The following COG2 variants were observed in gnomAD, a reference collection of about 807,000 sequenced individuals.
COG2 encodes conserved oligomeric Golgi complex subunit 2.
In COG2, 52 loss-of-function variants were observed where a neutral mutation model predicts 90.6. The observed-to-expected ratio is 0.57, with a 90% CI of 0.46 to 0.72. COG2 has a LOEUF of 0.72. Ranked by LOEUF, COG2 falls within the 30% of genes least tolerant of loss-of-function variation. COG2 has a pLI of 0.00. For missense variants in COG2, 829 were observed against 891.2 expected (o/e 0.93, Z 0.89); for synonymous variants, 337 against 320.4 (o/e 1.05, Z -0.55).
intron 1 of COG2, among the ~76,000 whole-genome samples, chr1:230,646,475 A>G (rs570460871): frequency 6.6e-6 from 1 of 151,984 alleles, no homozygotes; most frequent in South Asian, 2.1e-4. Flanking sequence ...TGGGTTATGG[A>G]CTCAGCCACG....
chr1:230,693,323 T>C lies in COG2; in HGVS notation c.2147T>C (p.Ile716Thr). The C allele has an allele frequency of 6.2e-7, 1 of 1,613,720 alleles. No individual in the cohort carries two copies. The highest frequency in any genetic ancestry group is 8.5e-7 in the Non-Finnish European group (1 of 1,179,736). The change falls in exon 18 of 18, where the codon ATA becomes ACA. Residue 716 changes from isoleucine (I) to threonine (T), a missense_variant. By Grantham distance (89) the Ile-to-Thr change is moderately conservative. Coordinates refer to ENST00000366669, the MANE Select transcript of COG2 (RefSeq NM_007357.3). ...AAGTTGGGACTACAAGCAAGTGACA[T>C]AAAAAGCTTCTCAGCTCTCGCAGAG... ...IQKLGLQASD[I>T]KSFSALAELV...
chr1:230,659,776 C>A, intron 2 of COG2, 151 bp downstream of exon 2: 2 of 699,110 alleles, frequency 2.9e-6, no homozygotes, highest in Non-Finnish European at 4.2e-6. Context: ...ATAAAATAAC[C>A]AAACTTTCTT....
At chr1:230,662,477 T>C (rs914447730) in intron 3 of COG2, among the ~76,000 whole-genome samples, 1 of 152,220 alleles carries the variant, frequency 6.6e-6, no homozygotes, top group Non-Finnish European at 1.5e-5. Flanking sequence ...CCCTAATTTC[T>C]GATTAATTCA....
At chr1:230,669,257 A>T in intron 6 of COG2, 99 bp from the exon 7 acceptor site, 1 of 1,050,370 alleles carries the variant, frequency 9.5e-7, no homozygotes. Context: ...TATATATGTC[A>T]TTATCTGTTG....
At chr1:230,690,213 C>G in intron 16 of COG2, 60 bp downstream of exon 16, 3 of 1,496,112 alleles carry the variant, frequency 2.0e-6, no homozygotes, top group Non-Finnish European at 2.8e-6. Flanking sequence ...GGCAGAAACC[C>G]CCAAGGCAAT....
At chr1:230,685,653 A>C (rs1375373720) in intron 12 of COG2, among the ~76,000 whole-genome samples, 1 of 152,234 alleles carries the variant, frequency 6.6e-6, no homozygotes, top group Non-Finnish European at 1.5e-5. Context: ...TCAACATAAA[A>C]AGGTATTAAA....
At chr1:230,663,909 A>G (rs1248864138) in intron 4 of COG2, among the ~76,000 whole-genome samples, 1 of 152,164 alleles carries the variant, frequency 6.6e-6, no homozygotes, top group Non-Finnish European at 1.5e-5. Flanking sequence ...GAAAGAGGCC[A>G]GGTGTGGTGG....
At chr1:230,653,723 T>G (rs1195072631) in intron 1 of COG2, among the ~76,000 whole-genome samples, 1 of 152,092 alleles carries the variant, frequency 6.6e-6, no homozygotes, top group Non-Finnish European at 1.5e-5. Context: ...TTTTGGAGGT[T>G]GGGAAGTTCA....
intron 1 of COG2, among the ~76,000 whole-genome samples, chr1:230,658,458 C>G (rs1246143459): frequency 6.6e-6 from 1 of 152,124 alleles, no homozygotes; most frequent in Non-Finnish European, 1.5e-5. Context: ...CAGATGCCAG[C>G]CAGAGCTCTC....
At chr1:230,678,542 C>T in intron 9 of COG2, 1 of 1,156,282 alleles carries the variant, frequency 8.6e-7, no homozygotes, top group Non-Finnish European at 1.1e-6. Context: ...AGAATTTTCT[C>T]CTTCTTTCTC....
intron 1 of COG2, among the ~76,000 whole-genome samples, chr1:230,647,197 T>A (rs1019504789): frequency 6.6e-5 from 10 of 152,200 alleles, no homozygotes; most frequent in Middle Eastern, 3.2e-3. Flanking sequence ...TGATGGACAG[T>A]TTCTATTGAT....
chr1:230,676,537 G>A (rs769266241), intron 9 of COG2, among the ~76,000 whole-genome samples: 7 of 151,588 alleles, frequency 4.6e-5, no homozygotes, highest in African/African-American at 1.5e-4. Context: ...CTTCTATTAC[G>A]TTTTTTTTAA....
At chr1:230,646,797 T>A (rs1031251337) in intron 1 of COG2, among the ~76,000 whole-genome samples, 1 of 152,070 alleles carries the variant, frequency 6.6e-6, no homozygotes, top group Non-Finnish European at 1.5e-5. Flanking sequence ...TGGTTGTGAG[T>A]CAGATGTTAT....
intron 1 of COG2, among the ~76,000 whole-genome samples, chr1:230,655,696 T>C (rs1249923890): frequency 6.6e-6 from 1 of 152,258 alleles, no homozygotes; most frequent in Non-Finnish European, 1.5e-5. Context: ...TTTGTACCTC[T>C]GGTAGAATTC....
chr1:230,685,079 C>G lies in COG2; in HGVS notation c.1229-6C>G, dbSNP rs1489773702. On this transcript the variant is annotated splice_polypyrimidine_tract_variant and splice_region_variant and intron_variant, in intron 11 of 17. Coordinates refer to ENST00000366669, the MANE Select transcript of COG2 (RefSeq NM_007357.3). ...TAAATGTGTGTTGTTGTTGTTTTTT[C>G]TCTAGCTGAAAGTCCGTATTGCCTT... is the stretch of plus-strand genomic sequence containing the variant. 6.2e-6 allele frequency: 10 copies of G among 1,612,442 alleles called. No individual in the cohort carries two copies. The highest frequency in any genetic ancestry group is 1.1e-5 in the South Asian group (1 of 90,768).
chr1:230,645,866 A>G (rs189836076), intron 1 of COG2, among the ~76,000 whole-genome samples: 2 of 152,164 alleles, frequency 1.3e-5, no homozygotes, highest in Non-Finnish European at 1.5e-5. Flanking sequence ...CCATGCTCCT[A>G]TGAGAATCTA....
chr1:230,646,050 C>G (rs944010690), intron 1 of COG2, among the ~76,000 whole-genome samples: 1 of 152,116 alleles, frequency 6.6e-6, no homozygotes, highest in Admixed American at 6.5e-5. Flanking sequence ...GTGCCCTCTC[C>G]CTTCTCAGGA....
intron 1 of COG2, among the ~76,000 whole-genome samples, chr1:230,643,676 G>A (rs1661684950): frequency 6.6e-6 from 1 of 151,860 alleles, no homozygotes; most frequent in African/African-American, 2.4e-5. Context: ...AAGTAGATCT[G>A]TATCTTCTCC....
In COG2 at chr1:230,688,414, C is replaced by A; in HGVS notation, c.1652-6C>A. On this transcript the variant is annotated splice_polypyrimidine_tract_variant and splice_region_variant and intron_variant, in intron 14 of 17. Transcript: ENST00000366669. ...GATGATTAAATCCAGTCTTTAATCT[C>A]AACAGCAGCCCTGGAGGACTCCCAG... 6.2e-7 allele frequency: 1 copy of A among 1,613,572 alleles called. No homozygotes were observed. Among genetic ancestry groups the A allele is most frequent in the South Asian group, 1.1e-5 (1 of 91,056 alleles).
Sources: gnomAD v4.1 joint callset for allele counts (sites outside exome capture counted in the v4.1 genomes callset) on GRCh38, gnomAD v4.1.1 for gene constraint, MANE v1.5 for transcripts, NCBI Gene and HGNC (gene_info 2026-07-23, HGNC 2026-07-21) for gene names.